Variants in SRPRA observed in about 807,000 individuals in gnomAD.
SRPRA encodes the protein signal recognition particle receptor subunit alpha.
SRPRA carries 30 observed loss-of-function variants against 61.1 expected under a neutral mutation model. The ratio of observed to expected loss-of-function variants is 0.49; its 90% CI spans 0.37 to 0.67. SRPRA has a LOEUF of 0.67. Ranked by LOEUF, SRPRA falls within the 30% of genes least tolerant of loss-of-function variation. SRPRA has a pLI of 0.00. For missense variants in SRPRA, 759 were observed against 828.4 expected, an observed-to-expected ratio of 0.92 and a Z score of 1.03; for synonymous variants, 324 against 299.7, an observed-to-expected ratio of 1.08 and a Z score of -0.84.
At chr11:126,261,302 C>T, downstream of SRPRA, 2 of 716,260 alleles carry the variant, frequency 2.8e-6, no homozygotes, top group Non-Finnish European at 4.7e-6. Context: ...ATGATTGTTT[C>T]ATTTCTAAAT....
Position 126,263,752 on chromosome 11 carries a change from G to A in SRPRA, c.*164C>T, listed in dbSNP as rs951486744. 64 of 971,032 alleles carry A rather than the reference G, an allele frequency of 6.6e-5. No individual in the cohort carries two copies. Among genetic ancestry groups the A allele is most frequent in the African/African-American group, 4.9e-4 (30 of 61,232 alleles). 60.2% of individuals were successfully genotyped at this position (971,032 alleles called of 1,614,324 possible). On this transcript the variant is annotated 3_prime_UTR_variant, in exon 14 of 14. Transcript: ENST00000332118. Reference sequence around the variant, plus strand: ...TGATTAGGCCTTCCTTGCAGATGGCGGCTGTGCTGAACGGGGAGTGGGGTT... The same window carrying A: ...TGATTAGGCCTTCCTTGCAGATGGCAGCTGTGCTGAACGGGGAGTGGGGTT...
At chr11:126,260,709 A>G (rs534700744), downstream of SRPRA, 6 of 152,348 alleles carry the variant, frequency 3.9e-5, no homozygotes, top group South Asian at 1.0e-3. Context: ...TACGAGGGTA[A>G]TATCAATTTG....
the SRPRA span, among the ~76,000 whole-genome samples, chr11:126,253,596 T>TA: frequency 6.6e-6 from 1 of 152,192 alleles, no homozygotes; most frequent in African/African-American, 2.4e-5. The surrounding 1 kb of genome is among the most constrained non-coding windows in gnomAD (Gnocchi z 5.1). Context: ...CTGCCCATGA[T>TA]AAAGTATATT....
chr11:126,266,341 C>G lies in SRPRA; in HGVS notation c.841-63G>C, dbSNP rs1054287914. On this transcript the variant is annotated intron_variant, in intron 6 of 13. Coordinates refer to ENST00000332118, the MANE Select transcript of SRPRA (RefSeq NM_003139.4). ...CTAAGGTCTCTGAGGAAAACGTCCA[C>G]ATTGCTCTATCTCTTTCATTTTGGG... 63 of 1,597,724 alleles carry G rather than the reference C, an allele frequency of 3.9e-5. 1 individual carries two copies. In the African/African-American group the frequency reaches 8.0e-4, roughly 20 times the overall value.
chr11:126,261,205 G>A (rs1591533640), downstream of SRPRA: 15 of 559,386 alleles, frequency 2.7e-5, no homozygotes, highest in East Asian at 4.3e-4. Flanking sequence ...CAATCGTAGT[G>A]CACTGTGGAA....
downstream of SRPRA, chr11:126,261,283 A>G: frequency 1.5e-6 from 1 of 653,222 alleles, no homozygotes; most frequent in Non-Finnish European, 2.7e-6. Context: ...CTGCCTCCTT[A>G]TCTTCTCAAT....
chr11:126,266,066 T>A lies in SRPRA; in HGVS notation c.948A>T (p.Thr316=). ...TCAGCATACCAAACATGCCACCCAG[T>A]GTTCCCTTGGTCGCACTGCAGGGAC... ...NSTKPSATKG[T]LGGMFGMLKG... Residue 316 remains threonine (T), a synonymous_variant, in exon 8 of 14, where the codon ACA becomes ACT. Coordinates refer to ENST00000332118, the MANE Select transcript of SRPRA (RefSeq NM_003139.4). The A allele has an allele frequency of 6.2e-7, 1 of 1,614,168 alleles. No homozygotes were observed. Among genetic ancestry groups the A allele is most frequent in the African/African-American group, 1.3e-5 (1 of 75,048 alleles).
chr11:126,267,546 C>T lies in SRPRA; in HGVS notation c.365+3G>A. Reference sequence around the variant, plus strand: ...TTGATTTTAGAGAAGGCAGGTCTCTCACCGAAGGAGCCGCAGGAAGTCATT... The same window carrying T: ...TTGATTTTAGAGAAGGCAGGTCTCTTACCGAAGGAGCCGCAGGAAGTCATT... On this transcript the variant is annotated splice_donor_region_variant and intron_variant, in intron 3 of 13. Transcript: ENST00000332118. The surrounding 1 kb of genome is among the most constrained non-coding windows in gnomAD (Gnocchi z 4.2). 1 of 1,613,876 alleles carries T rather than the reference C, an allele frequency of 6.2e-7. No homozygotes were observed. The highest frequency in any genetic ancestry group is 8.5e-7 in the Non-Finnish European group (1 of 1,179,982).
rs9106 is a variant in SRPRA at position 126,263,313 on chromosome 11, C to A, written c.*603G>T. 33,142 of 152,564 alleles carry A rather than the reference C, an allele frequency of 0.22. 4,575 individuals are homozygous for A. Among genetic ancestry groups the A allele is most frequent in the East Asian group, 0.64 (3,304 of 5,178 alleles). 9.5% of individuals were successfully genotyped at this position (152,564 alleles called of 1,614,324 possible). A position where few individuals can be genotyped will look rare whatever the true frequency, so the allele number is the denominator to read the frequency against. On this transcript the variant is annotated 3_prime_UTR_variant, in exon 14 of 14. Coordinates refer to ENST00000332118, the MANE Select transcript of SRPRA (RefSeq NM_003139.4). ...CTTTTATTTCTGAGGGAAGCAAGGA[C>A]TCATCTTTTGCTCATTTGTAACAAA...
Position 126,265,267 on chromosome 11 carries a change from C to A in SRPRA, c.1311+1G>T. Reference sequence around the variant, plus strand: ...GCGATAGGCTGGGGAACTGCACTGACCTTGGCAAGATTAGTAGATTTCCCC... The same window carrying A: ...GCGATAGGCTGGGGAACTGCACTGAACTTGGCAAGATTAGTAGATTTCCCC... On this transcript the variant is annotated splice_donor_variant, in intron 10 of 13. Transcript: ENST00000332118. LOFTEE classifies it high-confidence loss of function. This position sits in a 1 kb window ranked among gnomAD's most constrained non-coding sequence, Gnocchi z 6.3. 6.2e-7 allele frequency: 1 copy of A among 1,614,058 alleles called. No homozygotes were observed. The highest frequency in any genetic ancestry group is 8.5e-7 in the Non-Finnish European group (1 of 1,179,928).
At chr11:126,256,257 C>A in the SRPRA span, among the ~76,000 whole-genome samples, 1 of 152,182 alleles carries the variant, frequency 6.6e-6, no homozygotes, top group African/African-American at 2.4e-5. The surrounding 1 kb of genome is among the most constrained non-coding windows in gnomAD (Gnocchi z 6.6). Flanking sequence ...AAGAGTGAGA[C>A]TCCGTCTCAA....
the SRPRA span, among the ~76,000 whole-genome samples, chr11:126,238,403 G>A: frequency 6.6e-6 from 1 of 152,112 alleles, no homozygotes; most frequent in Non-Finnish European, 1.5e-5. Flanking sequence ...TAGAGTTAAG[G>A]AATTCCCACC....
At chr11:126,245,333 C>G in the SRPRA span, 1 of 151,790 alleles carries the variant, frequency 6.6e-6, no homozygotes, top group Non-Finnish European at 1.5e-5. Flanking sequence ...CTAGGGTAGC[C>G]AAGACCGTCT....
In SRPRA at chr11:126,266,236, A is replaced by G. The variant is rs777547326; in HGVS notation, c.883T>C (p.Cys295Arg). The G allele has an allele frequency of 1.2e-6, 2 of 1,614,224 alleles. No individual in the cohort carries two copies. The highest frequency in any genetic ancestry group is 1.7e-6 in the Non-Finnish European group (2 of 1,180,040). ...GSGGQLQDLD[C>R]SSSDDEGAAQ... Reference sequence around the variant, plus strand: ...GCCCCTTCGTCATCAGAGCTGCTGCAGTCCAGATCCTGAAGCTGCCCCCCA... The same window carrying G: ...GCCCCTTCGTCATCAGAGCTGCTGCGGTCCAGATCCTGAAGCTGCCCCCCA... Residue 295 changes from cysteine to arginine, a missense_variant, in exon 7 of 14, where the codon TGC (cysteine) becomes CGC (arginine). Cys to Arg is a radical substitution (Grantham distance 180, BLOSUM62 -3). Around this residue, in one of 2 missense-constraint regions of SRPRA, gnomAD observed 475 missense variants for 462.5 expected, o/e 1.03. Coordinates refer to ENST00000332118, the MANE Select transcript of SRPRA (RefSeq NM_003139.4).
At chr11:126,239,772 C>G in the SRPRA span, among the ~76,000 whole-genome samples, 1 of 152,302 alleles carries the variant, frequency 6.6e-6, no homozygotes, top group East Asian at 1.9e-4. Flanking sequence ...CCTTGGCCCC[C>G]CAAAGTGCTG....
the SRPRA span, chr11:126,241,005 G>A: frequency 2.5e-6 from 4 of 1,612,786 alleles, no homozygotes; most frequent in Non-Finnish European, 3.4e-6. Context: ...ACAAGAACCT[G>A]GTCCATGTTG....
rs1372432865 is a variant in SRPRA, at chr11:126,266,895, T to C, written c.554A>G (p.Lys185Arg). ...ACCTGACTTTTCTGCAGGGACTGGT[T>C]TGCTGGTAGCCAAAGGACCATCAGA... ...EGSDGPLATS[K>R]PVPAEKSGLP... The change falls in exon 5 of 14, where the codon AAA becomes AGA. Residue 185 changes from lysine (K) to arginine (R), a missense_variant. Lys to Arg is a conservative substitution (Grantham distance 26). Coordinates refer to ENST00000332118, the MANE Select transcript of SRPRA (RefSeq NM_003139.4). 1 of 1,614,060 alleles carries C rather than the reference T, an allele frequency of 6.2e-7. No homozygotes were observed. The highest frequency in any genetic ancestry group is 8.5e-7 in the Non-Finnish European group (1 of 1,180,034).
chr11:126,254,229 A>G, the SRPRA span: 1 of 1,528,384 alleles, frequency 6.5e-7, no homozygotes, highest in Admixed American at 2.1e-5. Context: ...TCCTCAAAAC[A>G]GCCTCTTGCC....
At chr11:126,255,698 A>T in the SRPRA span, among the ~76,000 whole-genome samples, 1 of 152,234 alleles carries the variant, frequency 6.6e-6, no homozygotes, top group African/African-American at 2.4e-5. The surrounding 1 kb of genome is among the most constrained non-coding windows in gnomAD (Gnocchi z 4.6). Context: ...TACGCCTGTA[A>T]TCCCAACACT....
Sources: gnomAD v4.1 joint callset for allele counts (sites outside exome capture counted in the v4.1 genomes callset) on GRCh38, gnomAD v4.1.1 for gene constraint, gnomAD v4.1.1 regional missense constraint, Gnocchi (gnomAD v3.1) non-coding constraint, MANE v1.5 for transcripts, NCBI Gene and HGNC (gene_info 2026-07-23, HGNC 2026-07-21) for gene names.